The following IL19 variants were observed in gnomAD, a reference collection of about 807,000 sequenced individuals.
The protein encoded by IL19 is interleukin-19.
A neutral mutation model predicts 19.5 loss-of-function variants in IL19; 15 were observed. That is an observed-to-expected ratio of 0.77 (90% CI 0.52 to 1.19). The LOEUF (loss-of-function observed/expected upper bound fraction) is 1.19. Ranked by LOEUF, IL19 falls within the 50% of genes most tolerant of loss-of-function variation. IL19 has a pLI of 0.00. For synonymous variants in IL19, 78 were observed against 78.3 expected, an observed-to-expected ratio of 1.00 and a Z score of 0.02; for missense variants, 199 against 213.1, an observed-to-expected ratio of 0.93 and a Z score of 0.41.
chr1:206,839,096 T>C (rs749375416), intron 4 of IL19, among the ~76,000 whole-genome samples: 1 of 152,212 alleles, frequency 6.6e-6, no homozygotes, highest in Non-Finnish European at 1.5e-5. Flanking sequence ...TCAGGGCAGA[T>C]GGCGGGCAAA....
chr1:206,806,811 C>G (rs1389825370), intron 2 of IL19, among the ~76,000 whole-genome samples: 1 of 152,216 alleles, frequency 6.6e-6, no homozygotes, highest in Non-Finnish European at 1.5e-5. Flanking sequence ...AGTTGCCTGT[C>G]TCTTCCACTC....
chr1:206,772,380 C>T lies in IL19; in HGVS notation c.-149+1302C>T, dbSNP rs139073251. 1.3e-4 allele frequency: 213 copies of T among 1,614,162 alleles called. 2 individuals are homozygous for T. In the African/African-American group the frequency reaches 1.6e-3, roughly 12 times the overall value. Reference sequence around the variant, plus strand: ...CTCAGACTGGGTGCCCTGGCCTGGGCTGGCCCTCACCCCAGTCAGGAGGAC... The same window carrying T: ...CTCAGACTGGGTGCCCTGGCCTGGGTTGGCCCTCACCCCAGTCAGGAGGAC... On this transcript the variant is annotated intron_variant, in intron 1 of 6. Coordinates refer to ENST00000659997, the MANE Select transcript of IL19 (RefSeq NM_153758.5).
intron 2 of IL19, among the ~76,000 whole-genome samples, chr1:206,801,814 AACAGTGCCTG>A (rs1675714890): frequency 6.6e-6 from 1 of 152,236 alleles, no homozygotes; most frequent in Non-Finnish European, 1.5e-5. Flanking sequence ...GGTCATGAGC[AACAGTGCCTG>A]ACACATCACA....
chr1:206,831,753 C>T (rs1258567655), intron 2 of IL19, among the ~76,000 whole-genome samples: 1 of 152,190 alleles, frequency 6.6e-6, no homozygotes, highest in African/African-American at 2.4e-5. Context: ...GGCTTGCCTT[C>T]AGTCTGACAG....
chr1:206,815,354 A>G (rs971444930), intron 2 of IL19, among the ~76,000 whole-genome samples: 3 of 152,206 alleles, frequency 2.0e-5, no homozygotes, highest in Non-Finnish European at 2.9e-5. Flanking sequence ...TCTCAGTGGG[A>G]AGAATGTCAA....
At chr1:206,829,974 G>T (rs4845143) in intron 2 of IL19, among the ~76,000 whole-genome samples, 110,042 of 152,126 alleles carry the variant, frequency 0.72, 40,392 homozygotes, top group Non-Finnish European at 0.79. Context: ...GGCCAGTTTG[G>T]ATTTCCTTAA....
At chr1:206,831,956 ACT>A (rs1415340297) in intron 2 of IL19, among the ~76,000 whole-genome samples, 1 of 152,214 alleles carries the variant, frequency 6.6e-6, no homozygotes, top group African/African-American at 2.4e-5. Flanking sequence ...GTGGGGTGAG[ACT>A]CAGCATGGAC....
rs760571248 is a variant in IL19 at position 206,836,806 on chromosome 1, C to A, written c.144C>A (p.Ile48=). 6.2e-7 allele frequency: 1 copy of A among 1,614,086 alleles called. No individual in the cohort carries two copies. The highest frequency in any genetic ancestry group is 8.5e-7 in the Non-Finnish European group (1 of 1,179,998). Residue 48 remains isoleucine (I), a splice_region_variant and synonymous_variant, in exon 3 of 7, where the codon ATC becomes ATA. Transcript: ENST00000659997. ...EESFQEIKRA[I]QAKDTFPNVT... is the part of the protein sequence containing the mutation. ...GTTTCCAAGAAATCAAAAGAGCCAT[C>A]GTGAGTATGGGTTGGTGTAAAGGTG... is the stretch of plus-strand genomic sequence containing the variant.
At chr1:206,836,616 C>T (rs757823025) in intron 2 of IL19, 45 bp from the exon 3 acceptor site, 1 of 1,547,522 alleles carries the variant, frequency 6.5e-7, no homozygotes, top group Non-Finnish European at 8.7e-7. Context: ...TTTTTCATTG[C>T]CCTCCACTCT....
rs5743623 is a variant in IL19, at chr1:206,774,226, G to T, written c.-149+3148G>T. ...TATGGATCAGGGTCAGGGGACTGTG[G>T]TGTCTCTTCCCAACTCTTCAGGGAG... On this transcript the variant is annotated intron_variant, in intron 1 of 6. Coordinates refer to ENST00000659997, the MANE Select transcript of IL19 (RefSeq NM_153758.5). Among the ~76,000 whole-genome samples, 920 of 152,328 alleles carry T rather than the reference G, an allele frequency of 6.0e-3. 10 individuals carry two copies. Among genetic ancestry groups the T allele is most frequent in the African/African-American group, 0.021 (865 of 41,560 alleles).
chr1:206,771,459 A>G, intron 1 of IL19: 1 of 1,488,096 alleles, frequency 6.7e-7, no homozygotes, highest in Non-Finnish European at 9.2e-7. Flanking sequence ...GTTTGGGGAA[A>G]TAACTGAAAT....
rs1676800117 is a variant in IL19, at chr1:206,836,551, G to A, written c.-2-110G>A. 24 of 1,004,048 alleles carry A rather than the reference G, an allele frequency of 2.4e-5. No homozygotes were observed. In the South Asian group the frequency reaches 2.7e-4, roughly 11 times the overall value. The allele number at this position is 1,004,048 out of a possible 1,614,324, so 62.2% of individuals were successfully genotyped here. On this transcript the variant is annotated intron_variant, in intron 2 of 6. Transcript: ENST00000659997. The stretch of plus-strand genomic sequence containing the variant: ...CTGAAGTGTTTAGTGTTGTTTTCTT[G>A]TATTCCTCCCGGCTTGCCTTCGAGG...
chr1:206,808,500 C>CGCGTGTGT (rs1553440395), intron 2 of IL19, among the ~76,000 whole-genome samples: 2 of 148,610 alleles, frequency 1.3e-5, no homozygotes, highest in Non-Finnish European at 3.0e-5. Flanking sequence ...TGTGTGTGTG[C>CGCGTGTGT]GTGTGTGTGT....
chr1:206,834,520 T>C (rs1005380856), intron 2 of IL19: 6 of 836,084 alleles, frequency 7.2e-6, no homozygotes, highest in Non-Finnish European at 8.6e-6. Flanking sequence ...TTCCAGATGC[T>C]GGGCATTTGG....
intron 3 of IL19, 68 bp from the exon 4 acceptor site, chr1:206,836,890 G>A (rs1676814563): frequency 1.1e-5 from 18 of 1,594,524 alleles, no homozygotes; most frequent in Non-Finnish European, 1.5e-5. Flanking sequence ...CCTTCTCATT[G>A]CCTTTTGCAT....
chr1:206,814,727 A>ACAC (rs59424604), intron 2 of IL19, among the ~76,000 whole-genome samples: 2 of 121,778 alleles, frequency 1.6e-5, no homozygotes, highest in Admixed American at 8.4e-5. Context: ...CACACACACA[A>ACAC]TTCACTTTGA....
chr1:206,819,443 G>T (rs1328715746), intron 2 of IL19, among the ~76,000 whole-genome samples: 4 of 151,988 alleles, frequency 2.6e-5, no homozygotes, highest in Non-Finnish European at 4.4e-5. Flanking sequence ...AATTAGCCGG[G>T]TGTGTTGGTG....
chr1:206,821,570 G>A (rs1180393768), intron 2 of IL19, among the ~76,000 whole-genome samples: 1 of 152,248 alleles, frequency 6.6e-6, no homozygotes, highest in African/African-American at 2.4e-5. Context: ...AAGAGAAAGT[G>A]TGTTCAAGAC....
chr1:206,776,776 C>T lies in IL19; in HGVS notation c.-149+5698C>T, dbSNP rs12026589. Among the ~76,000 whole-genome samples the T allele has an allele frequency of 2.3e-3, 343 of 152,086 alleles. 1 individual carries two copies. Among genetic ancestry groups the T allele is most frequent in the East Asian group, 0.021 (109 of 5,182 alleles). ...GGTAAAGAAATAGCCAATCATCTAT[C>T]GCCTGAGAGCACAGCGGGAGGGACA... On this transcript the variant is annotated intron_variant, in intron 1 of 6. Transcript: ENST00000659997.
Sources: gnomAD v4.1 joint callset for allele counts (sites outside exome capture counted in the v4.1 genomes callset) on GRCh38, gnomAD v4.1.1 for gene constraint, MANE v1.5 for transcripts, NCBI Gene and HGNC (gene_info 2026-07-23, HGNC 2026-07-21) for gene names.